Variants in DHX30 observed in about 807,000 individuals in gnomAD.
DHX30 encodes the protein DExH-box helicase 30, also known as ATP-dependent RNA helicase DHX30.
A neutral mutation model predicts 116.9 loss-of-function variants in DHX30; 4 were observed. The ratio of observed to expected loss-of-function variants is 0.03; its 90% confidence interval spans 0.02 to 0.08. The LOEUF is 0.08. Among genes scored for constraint, DHX30 ranks in the 10% least tolerant of loss-of-function variants. The probability of loss-of-function intolerance (pLI) is 1.00; values close to 1 mark genes in which losing one functional copy is unlikely to be tolerated. For synonymous variants in DHX30, 697 were observed against 651.7 expected, an observed-to-expected ratio of 1.07 and a Z score of -1.06; for missense variants, 871 against 1,595.1, an observed-to-expected ratio of 0.55 and a Z score of 7.73.
chr3:47,817,500 T>C (rs1417358049), intron 3 of DHX30, among the ~76,000 whole-genome samples: 2 of 152,188 alleles, frequency 1.3e-5, no homozygotes, highest in Non-Finnish European at 2.9e-5. Flanking sequence ...TAAGTGTGCG[T>C]CTGGTTTTAG....
rs554213694 is a variant in DHX30 at position 47,833,120 on chromosome 3, A to G, written c.366+3986A>G. On this transcript the variant is annotated intron_variant, in intron 6 of 21. Transcript: ENST00000445061. The stretch of plus-strand genomic sequence containing the variant: ...TTTATTGTCTTTATTTAATGTGTAC[A>G]GTATGGTGTTTCATATTCACATACA... 2.1e-3 allele frequency among the ~76,000 whole-genome samples: 326 copies of G among 152,146 alleles called. 2 individuals carry two copies. The highest frequency in any genetic ancestry group is 3.7e-3 in the Admixed American group (57 of 15,258).
intron 2 of DHX30, among the ~76,000 whole-genome samples, chr3:47,810,287 G>A (rs1192257490): frequency 6.6e-6 from 1 of 152,114 alleles, no homozygotes; most frequent in Non-Finnish European, 1.5e-5. Flanking sequence ...AAACCTGCAA[G>A]TATTATGATA....
intron 4 of DHX30, chr3:47,825,216 G>T (rs2036497808): frequency 3.1e-6 from 2 of 640,996 alleles, no homozygotes; most frequent in Admixed American, 2.4e-5. Flanking sequence ...CCCCCGGCGG[G>T]CCTGGGGAAG....
intron 9 of DHX30, 71 bp downstream of exon 9, chr3:47,843,326 G>A: frequency 1.3e-6 from 2 of 1,586,056 alleles, no homozygotes; most frequent in South Asian, 2.3e-5. Flanking sequence ...GTGGCAAATG[G>A]GTCCCATTTT....
At chr3:47,803,522 T>G (rs1258500283) in intron 1 of DHX30, among the ~76,000 whole-genome samples, 1 of 144,888 alleles carries the variant, frequency 6.9e-6, no homozygotes, top group Non-Finnish European at 1.5e-5. Flanking sequence ...AGAGGCCGCT[T>G]CATTGGCGCA....
At position 47,819,447 on chromosome 3, in the gene DHX30, G is replaced by C. The variant is rs188821219; in HGVS notation, c.124+1330G>C. 2.8e-4 allele frequency among the ~76,000 whole-genome samples: 43 copies of C among 152,312 alleles called. No homozygotes were observed. The East Asian group carries it at 8.3e-3, about 29-fold the overall frequency. On this transcript the variant is annotated intron_variant, in intron 4 of 21. Transcript: ENST00000445061. ...AAGTGCTGTGCTCTCTTCCCCAGAG[G>C]AGTGCAGACCCCTGAGCCTGGTGGT...
At chr3:47,835,844 T>C (rs2037088537) in intron 6 of DHX30, among the ~76,000 whole-genome samples, 1 of 152,246 alleles carries the variant, frequency 6.6e-6, no homozygotes, top group Admixed American at 6.5e-5. Flanking sequence ...CTGCCTGCAC[T>C]TTCTAGTACT....
chr3:47,821,119 G>T (rs1477628796), intron 4 of DHX30, among the ~76,000 whole-genome samples: 1 of 151,734 alleles, frequency 6.6e-6, no homozygotes, highest in African/African-American at 2.4e-5. Flanking sequence ...ATGCCCAGCT[G>T]ATTTTTTTGT....
intron 4 of DHX30, among the ~76,000 whole-genome samples, chr3:47,820,135 A>G (rs536877666): frequency 1.8e-3 from 268 of 152,326 alleles, no homozygotes; most frequent in South Asian, 4.8e-3. Flanking sequence ...CAACATGGTG[A>G]AACCCCATCT....
At position 47,844,596 on chromosome 3, in the gene DHX30, T is replaced by C. The variant is rs529791264; in HGVS notation, c.940-1104T>C. 9.3e-4 allele frequency among the ~76,000 whole-genome samples: 141 copies of C among 152,334 alleles called. 2 individuals carry two copies. Among genetic ancestry groups the C allele is most frequent in the Non-Finnish European group, 8.7e-4 (59 of 68,034 alleles). On this transcript the variant is annotated intron_variant, in intron 9 of 21. Coordinates refer to ENST00000445061, the MANE Select transcript of DHX30 (RefSeq NM_138615.3). Reference sequence around the variant, plus strand: ...TCCTTTAGGTCCTTATAGCTGATGGTGCCAGCACGCCCAGAGGCAGGGGGT... The same window carrying C: ...TCCTTTAGGTCCTTATAGCTGATGGCGCCAGCACGCCCAGAGGCAGGGGGT...
chr3:47,839,390 G>A (rs1030245349), intron 6 of DHX30, among the ~76,000 whole-genome samples: 4 of 148,664 alleles, frequency 2.7e-5, no homozygotes, highest in Admixed American at 2.0e-4. Context: ...TGCCTCCCAG[G>A]TTCAAGTGAT....
In DHX30 at chr3:47,847,824, G is replaced by A; in HGVS notation, c.2154G>A (p.Gln718=). Reference sequence around the variant, plus strand: ...TGATGGATCAGAAGGCCATATTCCAGCAGCCTCCAGTTGGGGTGCGCAAGA... The same window carrying A: ...TGATGGATCAGAAGGCCATATTCCAACAGCCTCCAGTTGGGGTGCGCAAGA... ...IPMMDQKAIF[Q]QPPVGVRKIV... is the part of the protein sequence containing the mutation. Residue 718 remains glutamine, a synonymous_variant, in exon 14 of 22, where the codon CAG becomes CAA. Transcript: ENST00000445061. The surrounding 1 kb of genome is among the most constrained non-coding windows in gnomAD (Gnocchi z 5.5). 1 of 1,614,168 alleles carries A rather than the reference G, an allele frequency of 6.2e-7. No homozygotes were observed. Among genetic ancestry groups the A allele is most frequent in the Non-Finnish European group, 8.5e-7 (1 of 1,180,036 alleles).
At chr3:47,833,323 G>T (rs1352623892) in intron 6 of DHX30, among the ~76,000 whole-genome samples, 1 of 151,866 alleles carries the variant, frequency 6.6e-6, no homozygotes, top group African/African-American at 2.4e-5. Flanking sequence ...CCACGAGTTT[G>T]AGACAAGCCT....
chr3:47,845,981 A>T (rs575490259), intron 10 of DHX30, 129 bp downstream of exon 10: 1 of 1,457,544 alleles, frequency 6.9e-7, no homozygotes, highest in Non-Finnish European at 9.2e-7. Context: ...GGGGCCTGGG[A>T]TCCCCCTGGC....
At chr3:47,806,601 A>G (rs2035537304) in intron 2 of DHX30, among the ~76,000 whole-genome samples, 1 of 151,596 alleles carries the variant, frequency 6.6e-6, no homozygotes, top group Admixed American at 6.6e-5. Flanking sequence ...GTGCACCACC[A>G]CGCCTGGCTA....
chr3:47,828,920 G>A, intron 5 of DHX30, 104 bp from the exon 6 acceptor site: 2 of 690,684 alleles, frequency 2.9e-6, no homozygotes, highest in Non-Finnish European at 5.3e-6. Context: ...TTGCTGCTGT[G>A]AGGTCTGCTG....
In DHX30 at chr3:47,843,136, A is replaced by G; in HGVS notation, c.820A>G (p.Lys274Glu). Reference protein sequence around the residue: ...NLMQFHTVGTKTKLSTLTLLW... With the variant: ...NLMQFHTVGTETKLSTLTLLW... ...CATGCAGTTCCATACTGTGGGCACC[A>G]AGACCAAGCTGTCTACACTCACCCT... is the stretch of plus-strand genomic sequence containing the variant. The change falls in exon 9 of 22, where the codon AAG (lysine) becomes GAG (glutamate). Residue 274 changes from lysine (K) to glutamate (E), a missense_variant. Transcript: ENST00000445061. 1 of 1,614,260 alleles carries G rather than the reference A, an allele frequency of 6.2e-7. No individual in the cohort carries two copies. The highest frequency in any genetic ancestry group is 8.5e-7 in the Non-Finnish European group (1 of 1,180,040).
Position 47,848,687 on chromosome 3 carries a change from A to T in DHX30, c.2639A>T (p.Asp880Val). 6.2e-7 allele frequency: 1 copy of T among 1,613,584 alleles called. No homozygotes were observed. The highest frequency in any genetic ancestry group is 8.5e-7 in the Non-Finnish European group (1 of 1,179,900). The change falls in exon 17 of 22, where the codon GAC (aspartate) becomes GTC (valine). Residue 880 changes from aspartate to valine, a missense_variant. By Grantham distance (152) the Asp-to-Val change is radical. Coordinates refer to ENST00000445061, the MANE Select transcript of DHX30 (RefSeq NM_138615.3). The surrounding 1 kb of genome is among the most constrained non-coding windows in gnomAD (Gnocchi z 9.4). The stretch of plus-strand genomic sequence containing the variant: ...CAGCGCCTGGCTCACATCTCCACCG[A>T]CCCCCGGTTGGCCAAGGCCATTGTG... ...LGQRLAHIST[D>V]PRLAKAIVLA...
chr3:47,814,985 A>G (rs2035989794), intron 3 of DHX30, among the ~76,000 whole-genome samples: 1 of 151,824 alleles, frequency 6.6e-6, no homozygotes, highest in Non-Finnish European at 1.5e-5. Context: ...TGGCCTCCCA[A>G]AGTGTTGGGA....
Sources: gnomAD v4.1 joint callset for allele counts (sites outside exome capture counted in the v4.1 genomes callset) on GRCh38, gnomAD v4.1.1 for gene constraint, Gnocchi (gnomAD v3.1) non-coding constraint, MANE v1.5 for transcripts, NCBI Gene and HGNC (gene_info 2026-07-23, HGNC 2026-07-21) for gene names.